Variants in COA1 observed in about 807,000 individuals in gnomAD.
The protein encoded by COA1 is cytochrome c oxidase assembly factor 1, also known as cytochrome c oxidase assembly factor 1 homolog.
In COA1, 13 loss-of-function variants were observed where a neutral mutation model predicts 16.0. The ratio of observed to expected loss-of-function variants is 0.81; its 90% CI spans 0.53 to 1.29. The LOEUF is 1.29. Among genes scored for constraint, COA1 ranks in the 50% most tolerant of loss-of-function variants. The probability of loss-of-function intolerance (pLI) is 0.00; values close to 1 mark genes in which losing one functional copy is unlikely to be tolerated. For missense variants in COA1, 179 were observed against 177.0 expected, an observed-to-expected ratio of 1.01 and a Z score of -0.06; for synonymous variants, 65 against 65.7, an observed-to-expected ratio of 0.99 and a Z score of 0.05.
At chr7:43,683,964 A>G (rs952300987) in intron 1 of COA1, among the ~76,000 whole-genome samples, 1 of 152,206 alleles carries the variant, frequency 6.6e-6, no homozygotes, top group Admixed American at 6.5e-5. Flanking sequence ...CTGAAAAGAC[A>G]CAACAATTAG....
intron 6 of COA1, among the ~76,000 whole-genome samples, chr7:43,616,672 C>T (rs996431523): frequency 3.3e-5 from 5 of 152,090 alleles, no homozygotes; most frequent in South Asian, 4.2e-4. Context: ...CTGAGACGGG[C>T]GGATCACGAG....
At chr7:43,710,375 A>AATAAATATATATATAT (rs2095192987) in intron 1 of COA1, among the ~76,000 whole-genome samples, 3 of 36,434 alleles carry the variant, frequency 8.2e-5, no homozygotes, top group Non-Finnish European at 1.4e-4. Flanking sequence ...AAAAAAAAAA[A>AATAAATATATATATAT]ATATATATAT....
chr7:43,636,546 T>G (rs1370788309), downstream of COA1, among the ~76,000 whole-genome samples: 1 of 152,216 alleles, frequency 6.6e-6, no homozygotes, highest in Non-Finnish European at 1.5e-5. Flanking sequence ...CCTTCAGAAC[T>G]GCCGCTTCTT....
At chr7:43,614,266 C>T (rs530379514) in intron 6 of COA1, among the ~76,000 whole-genome samples, 2 of 152,206 alleles carry the variant, frequency 1.3e-5, no homozygotes, top group Admixed American at 6.5e-5. Flanking sequence ...CATCTATTTA[C>T]GGACCGTCTG....
chr7:43,664,863 G>A (rs2092768825), intron 1 of COA1, among the ~76,000 whole-genome samples: 1 of 152,198 alleles, frequency 6.6e-6, no homozygotes, highest in Non-Finnish European at 1.5e-5. Flanking sequence ...GCTCCTGTCA[G>A]TTTAAATCAA....
intron 1 of COA1, among the ~76,000 whole-genome samples, chr7:43,661,407 C>T (rs969650951): frequency 1.3e-5 from 2 of 152,124 alleles, no homozygotes; most frequent in African/African-American, 2.4e-5. Context: ...GAGGCCAAAG[C>T]GGGCGGATCA....
intron 1 of COA1, among the ~76,000 whole-genome samples, chr7:43,669,865 T>A (rs1019220037): frequency 4.6e-5 from 7 of 151,996 alleles, no homozygotes; most frequent in Non-Finnish European, 1.0e-4. Flanking sequence ...ATTGGTTCAC[T>A]CCCTGACGGA....
chr7:43,724,085 T>C (rs967853576), intron 1 of COA1, among the ~76,000 whole-genome samples: 2 of 152,164 alleles, frequency 1.3e-5, no homozygotes, highest in Non-Finnish European at 2.9e-5. Context: ...AAGTAGGAAA[T>C]AGTCCTTTGG....
At chr7:43,672,567 G>A (rs2093323354) in intron 1 of COA1, among the ~76,000 whole-genome samples, 1 of 151,928 alleles carries the variant, frequency 6.6e-6, no homozygotes, top group Admixed American at 6.6e-5. Context: ...TTCAAGAGAT[G>A]GAGACCATCC....
At chr7:43,700,395 A>C (rs1166661156) in intron 1 of COA1, among the ~76,000 whole-genome samples, 1 of 152,094 alleles carries the variant, frequency 6.6e-6, no homozygotes, top group Non-Finnish European at 1.5e-5. Context: ...CTCTGAAAGT[A>C]GTCTGATTTG....
chr7:43,630,074 TGCCTTCACACTA>T (rs2085013643), intron 6 of COA1, among the ~76,000 whole-genome samples: 3 of 152,314 alleles, frequency 2.0e-5, no homozygotes, highest in African/African-American at 7.2e-5. Context: ...TGTATGTGGA[TGCCTTCACACTA>T]CACCGCGCGG....
In COA1 at chr7:43,639,407, C is replaced by T; in HGVS notation, c.*175G>A. On this transcript the variant is annotated 3_prime_UTR_variant, in exon 6 of 6. Transcript: ENST00000223336. Reference sequence around the variant, plus strand: ...AATGACAAATAGCATTTGTTGTGCCCAAGTTAGAATTACACCAAAATTACC... The same window carrying T: ...AATGACAAATAGCATTTGTTGTGCCTAAGTTAGAATTACACCAAAATTACC... 1 of 506,520 alleles carries T rather than the reference C, an allele frequency of 2.0e-6. No individual in the cohort carries two copies. The highest frequency in any genetic ancestry group is 3.2e-5 in the South Asian group (1 of 31,204). The allele number at this position is 506,520 out of a possible 1,614,324, so 31.4% of individuals were successfully genotyped here.
rs993977717 is a variant in COA1 at position 43,681,752 on chromosome 7, C to T, written c.-38-33100G>A. 5.3e-5 allele frequency among the ~76,000 whole-genome samples: 8 copies of T among 152,272 alleles called. 1 individual carries two copies. The highest frequency in any genetic ancestry group is 1.9e-4 in the African/African-American group (8 of 41,560). ...CAACCAAGTTGGGCTGATTTAAAATCTATTATTCCTTTCTTCTCATATTAT... is the reference window on the plus strand; with the variant it reads ...CAACCAAGTTGGGCTGATTTAAAATTTATTATTCCTTTCTTCTCATATTAT... On this transcript the variant is annotated intron_variant, in intron 1 of 5. Transcript: ENST00000223336.
At chr7:43,621,610 GGCACGT>G (rs1367787748) in intron 6 of COA1, among the ~76,000 whole-genome samples, 1 of 152,114 alleles carries the variant, frequency 6.6e-6, no homozygotes, top group Non-Finnish European at 1.5e-5. Flanking sequence ...TGGGACCACA[GGCACGT>G]GCCAGCACAG....
rs58589217 is a variant in COA1, at chr7:43,700,591, C to CGTGTGTGTGTGTGT, written c.-39+28824_-39+28837dup. Among the ~76,000 whole-genome samples, 378 of 144,958 alleles carry CGTGTGTGTGTGTGT rather than the reference C, an allele frequency of 2.6e-3. 2 individuals are homozygous for CGTGTGTGTGTGTGT. The highest frequency in any genetic ancestry group is 6.6e-3 in the African/African-American group (256 of 39,076). ...GTACACATATATACGTGTATATATA[C>CGTGTGTGTGTGTGT]GTGTGTGTGTGTGTGTGTGTGTGTG... is the stretch of plus-strand genomic sequence containing the variant. On this transcript the variant is annotated intron_variant, in intron 1 of 5. Coordinates refer to ENST00000223336, the MANE Select transcript of COA1 (RefSeq NM_018224.4).
At position 43,648,773 on chromosome 7, in the gene COA1, A is replaced by G. The variant is rs116191002; in HGVS notation, c.-38-121T>C. ...AGAACACGAACAAGAAGTTAAAATTAAACTCTAAAACAAGCCTTGTCTGTG... is the reference window on the plus strand; with the variant it reads ...AGAACACGAACAAGAAGTTAAAATTGAACTCTAAAACAAGCCTTGTCTGTG... On this transcript the variant is annotated intron_variant, in intron 1 of 5. Transcript: ENST00000223336. 572 of 696,466 alleles carry G rather than the reference A, an allele frequency of 8.2e-4. 3 individuals are homozygous for G. In the African/African-American group the frequency reaches 9.3e-3, roughly 11 times the overall value. The allele number at this position is 696,466 out of a possible 1,614,324, so 43.1% of individuals were successfully genotyped here.
chr7:43,666,925 A>C (rs1050754990), intron 1 of COA1, among the ~76,000 whole-genome samples: 2 of 152,242 alleles, frequency 1.3e-5, no homozygotes, highest in Admixed American at 1.3e-4. Flanking sequence ...GGACATTGAA[A>C]TAAAACCATG....
chr7:43,691,268 A>G (rs796861085), intron 1 of COA1, among the ~76,000 whole-genome samples: 2,629 of 26,644 alleles, frequency 0.099, 35 homozygotes, highest in Non-Finnish European at 0.13. Flanking sequence ...AAGAAAGAAA[A>G]GAAAGAAAGA....
intron 6 of COA1, among the ~76,000 whole-genome samples, chr7:43,616,558 A>T (rs2083362929): frequency 6.6e-6 from 1 of 152,162 alleles, no homozygotes; most frequent in Non-Finnish European, 1.5e-5. Context: ...ATAATAGAAA[A>T]GGGTAGGAAG....
Sources: allele counts gnomAD v4.1 joint callset (sites outside exome capture counted in the v4.1 genomes callset), GRCh38; gene constraint gnomAD v4.1.1; transcripts MANE v1.5; gene names NCBI Gene and HGNC (gene_info 2026-07-23, HGNC 2026-07-21).